DDX11: variants seen among roughly 807,000 people sequenced by gnomAD.
DDX11 encodes the protein DEAD/H-box helicase 11, also known as ATP-dependent DNA helicase DDX11.
In DDX11, 72 loss-of-function variants were observed where a neutral mutation model predicts 125.2. The ratio of observed to expected loss-of-function variants is 0.58; its 90% CI spans 0.48 to 0.70. The LOEUF (loss-of-function observed/expected upper bound fraction) is 0.70. Among genes scored for constraint, DDX11 ranks in the 30% least tolerant of loss-of-function variants. The pLI, the probability that DDX11 is intolerant of heterozygous loss-of-function variation, is 0.00. For missense variants in DDX11, 883 were observed against 1,165.0 expected, an observed-to-expected ratio of 0.76 and a Z score of 3.52; for synonymous variants, 347 against 452.6, an observed-to-expected ratio of 0.77 and a Z score of 2.96.
At chr12:31,091,952 A>G in intron 10 of DDX11, 81 bp downstream of exon 10, 1 of 1,594,902 alleles carries the variant, frequency 6.3e-7, no homozygotes, top group East Asian at 2.2e-5. Flanking sequence ...ACCTGGGCCA[A>G]GAGTTCCTCC....
intron 9 of DDX11, chr12:31,091,489 C>T: frequency 3.6e-6 from 2 of 548,588 alleles, no homozygotes; most frequent in South Asian, 4.1e-5. Context: ...CCCAGCCCTG[C>T]CCTTGGTTTA....
chr12:31,075,931 T>C (rs1002605326), intron 1 of DDX11, among the ~76,000 whole-genome samples: 6 of 152,024 alleles, frequency 3.9e-5, no homozygotes, highest in African/African-American at 7.2e-5. Context: ...GTGGGGGTGG[T>C]GTTTGACCAC....
At chr12:31,098,058 A>C (rs1945638209) in intron 18 of DDX11, 61 bp downstream of exon 18, 1 of 1,409,840 alleles carries the variant, frequency 7.1e-7, no homozygotes, top group African/African-American at 1.4e-5. Flanking sequence ...GGGGCTTGGG[A>C]GAGATGCATT....
In DDX11 at chr12:31,103,854, G is replaced by C; in HGVS notation, c.*18G>C. 1 of 1,613,972 alleles carries C rather than the reference G, an allele frequency of 6.2e-7. No individual in the cohort carries two copies. Among genetic ancestry groups the C allele is most frequent in the Non-Finnish European group, 8.5e-7 (1 of 1,179,868 alleles). On this transcript the variant is annotated 3_prime_UTR_variant, in exon 27 of 27. Transcript: ENST00000542838. ...CTTCCTGATGGGCAACCACACCACT[G>C]CCTGGCGCCGTGCCCTTCCTTTGTC...
intron 18 of DDX11, among the ~76,000 whole-genome samples, chr12:31,098,852 G>T (rs1231287898): frequency 1.3e-5 from 2 of 152,052 alleles, no homozygotes; most frequent in African/African-American, 4.8e-5. Context: ...CCCGTGGCCC[G>T]GTCAGTCTCG....
chr12:31,103,847 C>G lies in DDX11; in HGVS notation c.*11C>G. The G allele has an allele frequency of 6.2e-7, 1 of 1,613,960 alleles. No homozygotes were observed. The highest frequency in any genetic ancestry group is 1.1e-5 in the South Asian group (1 of 91,036). On this transcript the variant is annotated 3_prime_UTR_variant, in exon 27 of 27. Transcript: ENST00000542838. ...TCGGCCTCTTCCTGATGGGCAACCA[C>G]ACCACTGCCTGGCGCCGTGCCCTTC... is the stretch of plus-strand genomic sequence containing the variant.
At chr12:31,081,659 C>T (rs1592599116) in intron 2 of DDX11, among the ~76,000 whole-genome samples, 1 of 151,170 alleles carries the variant, frequency 6.6e-6, no homozygotes, top group East Asian at 2.0e-4. Context: ...CTTGCTGCAA[C>T]CAGCAGGTGT....
chr12:31,100,523 C>G, intron 18 of DDX11, 112 bp from the exon 19 acceptor site: 1 of 942,824 alleles, frequency 1.1e-6, no homozygotes, highest in East Asian at 2.7e-5. Context: ...TTTCTTTGAC[C>G]TCTTCTTTCA....
intron 2 of DDX11, among the ~76,000 whole-genome samples, chr12:31,083,076 A>G (rs1022508025): frequency 1.3e-5 from 2 of 152,194 alleles, no homozygotes; most frequent in Non-Finnish European, 2.9e-5. Context: ...TTAGGATTTC[A>G]ACACAGGAAT....
Position 31,073,952 on chromosome 12 carries a change from A to G in DDX11, c.-144A>G, listed in dbSNP as rs978709495. ...CCGGGGCCTGGCTTTCAGCGTAGCA[A>G]TTCTGCCGGCGAAGAAGGTGAGCGC... On this transcript the variant is annotated 5_prime_UTR_variant, in exon 1 of 27. Transcript: ENST00000542838. 2 of 152,252 alleles carry G rather than the reference A, an allele frequency of 1.3e-5. No homozygotes were observed. The highest frequency in any genetic ancestry group is 2.9e-5 in the Non-Finnish European group (2 of 68,050). 9.4% of individuals were successfully genotyped at this position (152,252 alleles called of 1,614,324 possible).
Position 31,104,098 on chromosome 12 carries a change from T to G in DDX11, c.*262T>G. The G allele has an allele frequency of 9.3e-6, 14 of 1,508,546 alleles. No homozygotes were observed. Among genetic ancestry groups the G allele is most frequent in the Non-Finnish European group, 1.2e-5 (14 of 1,127,362 alleles). 93.4% of individuals were successfully genotyped at this position (1,508,546 alleles called of 1,614,324 possible). A position where few individuals can be genotyped will look rare whatever the true frequency, so the allele number is the denominator to read the frequency against. On this transcript the variant is annotated 3_prime_UTR_variant, in exon 27 of 27. Transcript: ENST00000542838. ...CTCCCCTCCTGGAATAGAATCTTTC[T>G]TTCCATCCTGCATGGCTGAGAGCCA...
intron 2 of DDX11, among the ~76,000 whole-genome samples, chr12:31,083,320 AAAAAACAAAAC>A (rs1224057745): frequency 4.1e-5 from 6 of 147,098 alleles, no homozygotes; most frequent in East Asian, 4.2e-4. Context: ...CTTAAAAAAA[AAAAAACAAAAC>A]AAAACACAAA....
chr12:31,077,971 A>C, intron 1 of DDX11: 1 of 345,432 alleles, frequency 2.9e-6, no homozygotes, highest in Non-Finnish European at 5.7e-6. Context: ...AAAGTGAAGT[A>C]GCTTCGGCTT....
chr12:31,091,373 G>A (rs1046445392), intron 9 of DDX11: 1 of 232,298 alleles, frequency 4.3e-6, no homozygotes, highest in Admixed American at 5.4e-5. Flanking sequence ...AGTAGAAGCT[G>A]GGGCCGCTTC....
chr12:31,078,082 A>G (rs377251768), intron 1 of DDX11: 8 of 721,580 alleles, frequency 1.1e-5, no homozygotes, highest in East Asian at 1.1e-4. Flanking sequence ...AGAGAGCTCT[A>G]AGCCTTTTGT....
rs1339660961 is a variant in DDX11, at chr12:31,074,023, C to T, written c.-73C>T. 1 of 152,262 alleles carries T rather than the reference C, an allele frequency of 6.6e-6. No individual in the cohort carries two copies. The highest frequency in any genetic ancestry group is 2.4e-5 in the African/African-American group (1 of 41,436). The allele number at this position is 152,262 out of a possible 1,614,324, so 9.4% of individuals were successfully genotyped here. A position where few individuals can be genotyped will look rare whatever the true frequency, so the allele number is the denominator to read the frequency against. On this transcript the variant is annotated 5_prime_UTR_variant, in exon 1 of 27. In the 5' UTR this introduces an upstream ATG that the reference lacks. Coordinates refer to ENST00000542838, the MANE Select transcript of DDX11 (RefSeq NM_030653.4). Reference sequence around the variant, plus strand: ...CTCCTTAGGACGAGGAGCAGCGGGACGAGGAAGGGCAGACTGGTGAAATCG... The same window carrying T: ...CTCCTTAGGACGAGGAGCAGCGGGATGAGGAAGGGCAGACTGGTGAAATCG...
intron 5 of DDX11, among the ~76,000 whole-genome samples, 185 bp downstream of exon 5, chr12:31,085,311 C>G (rs1379830055): frequency 6.6e-6 from 1 of 152,258 alleles, no homozygotes; most frequent in Non-Finnish European, 1.5e-5. Flanking sequence ...CAGTCACCGG[C>G]CTGGCCTGTG....
intron 6 of DDX11, among the ~76,000 whole-genome samples, chr12:31,088,295 G>T (rs569212491): frequency 2.0e-5 from 3 of 151,908 alleles, no homozygotes; most frequent in Non-Finnish European, 4.4e-5. Context: ...ACATCTCCTG[G>T]GTTCGGGGCC....
intron 11 of DDX11, 59 bp downstream of exon 11, chr12:31,092,951 T>G: frequency 6.3e-7 from 1 of 1,593,772 alleles, no homozygotes; most frequent in East Asian, 2.2e-5. Context: ...TGCGTGGGCC[T>G]CTGAGAGGCA....
Sources: gnomAD v4.1 joint callset for allele counts (sites outside exome capture counted in the v4.1 genomes callset) on GRCh38, gnomAD v4.1.1 for gene constraint, MANE v1.5 for transcripts, NCBI Gene and HGNC (gene_info 2026-07-23, HGNC 2026-07-21) for gene names.